Variants in STXBP4 observed in about 807,000 individuals in gnomAD.
The protein encoded by STXBP4 is syntaxin-binding protein 4.
STXBP4 carries 55 observed loss-of-function variants against 76.1 expected under a neutral mutation model. The ratio of observed to expected loss-of-function variants is 0.72; its 90% CI spans 0.58 to 0.91. The LOEUF (loss-of-function observed/expected upper bound fraction) is 0.91, where lower values mean the gene tolerates loss of function less well. Among genes scored for constraint, STXBP4 ranks in the 40% least tolerant of loss-of-function variants. The pLI is 0.00. For synonymous variants in STXBP4, 201 were observed against 220.2 expected, an observed-to-expected ratio of 0.91 and a Z score of 0.77; for missense variants, 618 against 636.9, an observed-to-expected ratio of 0.97 and a Z score of 0.32.
chr17:55,034,722 C>A (rs1215475004), intron 10 of STXBP4, among the ~76,000 whole-genome samples: 1 of 152,064 alleles, frequency 6.6e-6, no homozygotes, highest in Non-Finnish European at 1.5e-5. Context: ...AGATGCTCTC[C>A]TGCCCCCAGG....
chr17:55,120,148 A>G (rs1435838136), intron 16 of STXBP4, among the ~76,000 whole-genome samples: 1 of 152,194 alleles, frequency 6.6e-6, no homozygotes, highest in Admixed American at 6.5e-5. Flanking sequence ...CTTTCCCAAG[A>G]TGCTTAGAGG....
At chr17:55,013,744 A>G (rs2078153476) in intron 8 of STXBP4, among the ~76,000 whole-genome samples, 1 of 152,230 alleles carries the variant, frequency 6.6e-6, no homozygotes. Context: ...TCCAGGTATG[A>G]TAACTGACTC....
chr17:55,185,199 T>C, the STXBP4 span, among the ~76,000 whole-genome samples: 2 of 47,798 alleles, frequency 4.2e-5, no homozygotes, highest in Admixed American at 2.0e-4. Flanking sequence ...TTTCTTCTTC[T>C]TCTTCTTCTT....
intron 8 of STXBP4, among the ~76,000 whole-genome samples, chr17:55,024,348 A>C (rs1003071583): frequency 3.3e-5 from 5 of 152,254 alleles, no homozygotes; most frequent in Non-Finnish European, 7.3e-5. Flanking sequence ...CTTTTCAGCT[A>C]TATCAGGTTC....
intron 12 of STXBP4, among the ~76,000 whole-genome samples, chr17:55,070,550 T>G (rs1444860177): frequency 2.0e-5 from 3 of 152,184 alleles, no homozygotes; most frequent in Non-Finnish European, 2.9e-5. Context: ...GGCAATTGGT[T>G]GGCCACATCT....
intron 15 of STXBP4, among the ~76,000 whole-genome samples, chr17:55,080,569 T>A (rs548118590): frequency 6.6e-6 from 1 of 152,278 alleles, no homozygotes; most frequent in Admixed American, 6.5e-5. Flanking sequence ...TGCTCTAGGC[T>A]GTTTTTGATT....
rs976709794 is a variant in STXBP4, at chr17:55,170,411, T to A, written c.*10500T>A. On this transcript the variant is annotated 3_prime_UTR_variant, in exon 18 of 18. Coordinates refer to ENST00000376352, the MANE Select transcript of STXBP4 (RefSeq NM_178509.6). ...ATACAATATAAAACCAACAGTATTG[T>A]ATATATAAACACCATAGAAGATCTG... The A allele has an allele frequency of 1.3e-5, 2 of 152,176 alleles. No homozygotes were observed. The highest frequency in any genetic ancestry group is 2.9e-5 in the Non-Finnish European group (2 of 68,026). The allele number at this position is 152,176 out of a possible 1,614,324, so 9.4% of individuals were successfully genotyped here. A position where few individuals can be genotyped will look rare whatever the true frequency, so the allele number is the denominator to read the frequency against.
intron 16 of STXBP4, among the ~76,000 whole-genome samples, chr17:55,091,861 G>A (rs1322498391): frequency 2.6e-5 from 4 of 152,132 alleles, no homozygotes; most frequent in Non-Finnish European, 5.9e-5. Context: ...TTCTATAAAA[G>A]CTGTGTAAAA....
chr17:54,968,881 A>G (rs1469049215), intron 1 of STXBP4, 66 bp downstream of exon 1: 1 of 479,626 alleles, frequency 2.1e-6, no homozygotes, highest in Non-Finnish European at 3.8e-6. Context: ...GTCTCTTAAC[A>G]TTTAGGAAAA....
chr17:55,109,795 G>A (rs539878883), intron 16 of STXBP4, among the ~76,000 whole-genome samples: 2 of 151,948 alleles, frequency 1.3e-5, no homozygotes, highest in South Asian at 2.1e-4. Context: ...TCACCACCAT[G>A]GCTGGCTAAT....
At chr17:55,087,600 C>T (rs2079354045) in intron 16 of STXBP4, among the ~76,000 whole-genome samples, 1 of 152,028 alleles carries the variant, frequency 6.6e-6, no homozygotes, top group South Asian at 2.1e-4. Context: ...TTTCATTGGT[C>T]TGTGTGATTT....
At chr17:55,126,617 T>C (rs1177395755) in intron 16 of STXBP4, among the ~76,000 whole-genome samples, 1 of 152,114 alleles carries the variant, frequency 6.6e-6, no homozygotes, top group African/African-American at 2.4e-5. Flanking sequence ...TGTAAGCAAA[T>C]TTTACATCAA....
At position 55,021,755 on chromosome 17, in the gene STXBP4, T is replaced by A. The variant is rs532069517; in HGVS notation, c.667-9413T>A. Among the ~76,000 whole-genome samples the A allele has an allele frequency of 6.6e-4, 101 of 152,306 alleles. 5 individuals are homozygous for A. The highest frequency in any genetic ancestry group is 2.1e-4 in the Non-Finnish European group (14 of 68,022). ...TTCTGTACTATCAGAAATAGTTACA[T>A]TTTAACTTTCACATAAATTATAAAA... On this transcript the variant is annotated intron_variant, in intron 8 of 17. Transcript: ENST00000376352.
At chr17:55,023,814 C>T (rs1488268726) in intron 8 of STXBP4, among the ~76,000 whole-genome samples, 2 of 148,826 alleles carry the variant, frequency 1.3e-5, no homozygotes, top group Non-Finnish European at 3.0e-5. Flanking sequence ...GATATTGGGG[C>T]TCAGTTTTAA....
At chr17:55,000,963 C>A in intron 7 of STXBP4, 80 bp downstream of exon 7, 1 of 945,344 alleles carries the variant, frequency 1.1e-6, no homozygotes, top group Non-Finnish European at 1.6e-6. Flanking sequence ...TGACTTAAGA[C>A]TTTGAAGAAG....
At chr17:55,058,614 T>C (rs2078961198) in intron 12 of STXBP4, among the ~76,000 whole-genome samples, 1 of 152,168 alleles carries the variant, frequency 6.6e-6, no homozygotes, top group Non-Finnish European at 1.5e-5. Flanking sequence ...AATTTGGTAG[T>C]GTCTCTTGCA....
intron 7 of STXBP4, among the ~76,000 whole-genome samples, chr17:55,004,690 G>A (rs749746467): frequency 1.3e-5 from 2 of 151,648 alleles, no homozygotes; most frequent in African/African-American, 2.4e-5. Flanking sequence ...GACAGAGCAA[G>A]ACCAAGACGC....
In STXBP4 at chr17:54,990,662, C is replaced by A. The variant is rs960809032; in HGVS notation, c.48-163C>A. 3.3e-5 allele frequency among the ~76,000 whole-genome samples: 5 copies of A among 152,158 alleles called. No individual in the cohort carries two copies. The South Asian group carries it at 6.2e-4, about 19-fold the overall frequency. On this transcript the variant is annotated intron_variant, in intron 3 of 17. Coordinates refer to ENST00000376352, the MANE Select transcript of STXBP4 (RefSeq NM_178509.6). ...CCTCTGCAACCCCATTCCCTCTCCC[C>A]CCACCTTGGAAAAATTGTCTTCCAT...
intron 16 of STXBP4, among the ~76,000 whole-genome samples, chr17:55,121,385 A>G (rs1296401350): frequency 6.6e-6 from 1 of 152,206 alleles, no homozygotes; most frequent in Admixed American, 6.5e-5. Flanking sequence ...GAAAACTGTC[A>G]TAATTGAAAA....
Sources: gnomAD v4.1 joint callset for allele counts (sites outside exome capture counted in the v4.1 genomes callset) on GRCh38, gnomAD v4.1.1 for gene constraint, MANE v1.5 for transcripts, NCBI Gene and HGNC (gene_info 2026-07-23, HGNC 2026-07-21) for gene names.